The following PPM1E variants were observed in gnomAD, a reference collection of about 807,000 sequenced individuals.
The protein encoded by PPM1E is protein phosphatase, Mg2+/Mn2+ dependent 1E.
Under a neutral mutation model 65.9 loss-of-function variants are expected in PPM1E, and 20 were observed. The observed-to-expected ratio is 0.30, with a 90% CI of 0.21 to 0.44. The LOEUF is 0.44. Ranked by LOEUF, PPM1E falls within the 20% of genes least tolerant of loss-of-function variation. PPM1E has a pLI of 1.00. For synonymous variants in PPM1E, 352 were observed against 374.9 expected (o/e 0.94, Z 0.70); for missense variants, 713 against 953.1 (o/e 0.75, Z 3.32).
chr17:58,940,777 C>T (rs527823833), intron 1 of PPM1E, among the ~76,000 whole-genome samples: 2 of 152,148 alleles, frequency 1.3e-5, no homozygotes, highest in African/African-American at 4.8e-5. Context: ...GTGGTGTGAT[C>T]GGGACTCACT....
chr17:58,774,681 A>T (rs1457040097), intron 1 of PPM1E, among the ~76,000 whole-genome samples: 1 of 152,116 alleles, frequency 6.6e-6, no homozygotes, highest in East Asian at 1.9e-4. Flanking sequence ...GTAACAACAC[A>T]TTATATTGTT....
intron 1 of PPM1E, among the ~76,000 whole-genome samples, chr17:58,808,905 C>T (rs1598584180): frequency 6.6e-6 from 1 of 151,836 alleles, no homozygotes; most frequent in East Asian, 1.9e-4. Context: ...TAAAAATACA[C>T]AAAGTTGACA....
chr17:58,849,325 G>A (rs2050802625), intron 1 of PPM1E, among the ~76,000 whole-genome samples: 1 of 152,040 alleles, frequency 6.6e-6, no homozygotes, highest in Non-Finnish European at 1.5e-5. Context: ...TTTTGAATGT[G>A]TTTGCTCTTG....
rs1015312466 is a variant in PPM1E at position 58,983,905 on chromosome 17, C to G, written c.*2874C>G. The G allele has an allele frequency of 6.6e-6, 1 of 152,602 alleles. No individual in the cohort carries two copies. Among genetic ancestry groups the G allele is most frequent in the Non-Finnish European group, 1.5e-5 (1 of 68,032 alleles). 9.5% of individuals were successfully genotyped at this position (152,602 alleles called of 1,614,324 possible). ...CACCAACTGAAGTCATTACAAACTC[C>G]TTGTACATTCACTGTGAGTTTCAAA... On this transcript the variant is annotated 3_prime_UTR_variant, in exon 7 of 7. Transcript: ENST00000308249.
chr17:58,835,497 T>C (rs2050646678), intron 1 of PPM1E, among the ~76,000 whole-genome samples: 1 of 152,262 alleles, frequency 6.6e-6, no homozygotes, highest in African/African-American at 2.4e-5. Flanking sequence ...TTGTTGGGCC[T>C]TCCCACTGTA....
At chr17:58,767,940 C>T (rs1026938666) in intron 1 of PPM1E, among the ~76,000 whole-genome samples, 5 of 151,504 alleles carry the variant, frequency 3.3e-5, no homozygotes, top group African/African-American at 1.2e-4. Context: ...CCACGCCCAG[C>T]CTAAAATTTA....
At chr17:58,891,714 C>A (rs2143432974) in intron 1 of PPM1E, among the ~76,000 whole-genome samples, 1 of 152,072 alleles carries the variant, frequency 6.6e-6, no homozygotes, top group East Asian at 1.9e-4. Context: ...GTAAATATCT[C>A]ATGATCTCTA....
At chr17:58,830,586 G>A (rs2050594286) in intron 1 of PPM1E, among the ~76,000 whole-genome samples, 1 of 152,100 alleles carries the variant, frequency 6.6e-6, no homozygotes, top group South Asian at 2.1e-4. Flanking sequence ...GATTACAGGT[G>A]TGAACCACTG....
chr17:58,756,581 C>T, intron 1 of PPM1E, 120 bp downstream of exon 1: 9 of 1,155,620 alleles, frequency 7.8e-6, no homozygotes, highest in Non-Finnish European at 9.9e-6. Flanking sequence ...GCACCCGCGC[C>T]TGCCGCCGCT....
chr17:58,894,179 T>C (rs1342546829), intron 1 of PPM1E, among the ~76,000 whole-genome samples: 1 of 152,088 alleles, frequency 6.6e-6, no homozygotes, highest in Non-Finnish European at 1.5e-5. Context: ...TGGAGTACAG[T>C]GGTGCAATCT....
chr17:58,872,036 G>A (rs945313853), intron 1 of PPM1E, among the ~76,000 whole-genome samples: 1 of 151,994 alleles, frequency 6.6e-6, no homozygotes, highest in African/African-American at 2.4e-5. Context: ...GGTGGCTCAC[G>A]CCTGTAATCC....
chr17:58,804,003 A>T (rs184546408), intron 1 of PPM1E, among the ~76,000 whole-genome samples: 2 of 152,324 alleles, frequency 1.3e-5, no homozygotes, highest in Admixed American at 1.3e-4. Context: ...ATCATAGCTC[A>T]CTGAGACCTT....
At chr17:58,895,122 G>A (rs1567867266) in intron 1 of PPM1E, among the ~76,000 whole-genome samples, 1 of 152,164 alleles carries the variant, frequency 6.6e-6, no homozygotes, top group East Asian at 1.9e-4. Flanking sequence ...GATCTTTGAT[G>A]TTATTATTGT....
At chr17:58,958,943 A>G (rs755541828) in intron 2 of PPM1E, among the ~76,000 whole-genome samples, 4 of 152,126 alleles carry the variant, frequency 2.6e-5, no homozygotes, top group East Asian at 3.9e-4. Context: ...TTTGCATAAC[A>G]TAACACTGAT....
chr17:58,918,805 C>CAAAAAAAAAAAAAAAAAAAAAAA (rs71143301), intron 1 of PPM1E, among the ~76,000 whole-genome samples: 1 of 75,818 alleles, frequency 1.3e-5, no homozygotes, highest in Non-Finnish European at 2.2e-5. Context: ...GACTCCGTCT[C>CAAAAAAAAAAAAAAAAAAAAAAA]AAAAAAAAAA....
At chr17:58,892,489 C>A (rs2051359995) in intron 1 of PPM1E, among the ~76,000 whole-genome samples, 1 of 152,196 alleles carries the variant, frequency 6.6e-6, no homozygotes, top group South Asian at 2.1e-4. Context: ...AACAGGATTG[C>A]CTGAGCCCAA....
At chr17:58,939,126 A>G (rs2052029549) in intron 1 of PPM1E, among the ~76,000 whole-genome samples, 1 of 152,110 alleles carries the variant, frequency 6.6e-6, no homozygotes, top group Non-Finnish European at 1.5e-5. Flanking sequence ...TCCCATAATG[A>G]TTTAACATCT....
Position 58,983,017 on chromosome 17 carries a change from A to ATTG in PPM1E, c.*1991_*1993dup. On this transcript the variant is annotated 3_prime_UTR_variant, in exon 7 of 7. Transcript: ENST00000308249. ...AAAAAAAAAGCTTTTTAAAATTTCTATTGTTGTCTATTGGTAATGTTTTTG... is the reference window on the plus strand; with the variant it reads ...AAAAAAAAAGCTTTTTAAAATTTCTATTGTTGTTGTCTATTGGTAATGTTTTTG... 9.1e-7 allele frequency: 1 copy of ATTG among 1,093,416 alleles called. No individual in the cohort carries two copies. The highest frequency in any genetic ancestry group is 1.3e-6 in the Non-Finnish European group (1 of 750,654). 67.7% of individuals were successfully genotyped at this position (1,093,416 alleles called of 1,614,324 possible).
At chr17:58,924,963 C>T (rs9894548) in intron 1 of PPM1E, among the ~76,000 whole-genome samples, 96,661 of 151,906 alleles carry the variant, frequency 0.64, 31,142 homozygotes, top group African/African-American at 0.71. Flanking sequence ...ACATTTTCTT[C>T]ATTTAGTCTA....
Sources: allele counts gnomAD v4.1 joint callset (sites outside exome capture counted in the v4.1 genomes callset), GRCh38; gene constraint gnomAD v4.1.1; transcripts MANE v1.5; gene names NCBI Gene and HGNC (gene_info 2026-07-23, HGNC 2026-07-21).